Variants in PPP4R2 observed in about 807,000 individuals in gnomAD.
PPP4R2 encodes the protein serine/threonine-protein phosphatase 4 regulatory subunit 2.
PPP4R2 carries 13 observed loss-of-function variants against 47.2 expected under a neutral mutation model. The observed-to-expected ratio is 0.28, with a 90% confidence interval of 0.18 to 0.44. PPP4R2 has a LOEUF of 0.44. PPP4R2 is among the 20% of genes least tolerant of loss of function. The probability of loss-of-function intolerance (pLI) is 1.00; values close to 1 mark genes in which losing one functional copy is unlikely to be tolerated. For synonymous variants in PPP4R2, 151 were observed against 163.3 expected (o/e 0.92, Z 0.57); for missense variants, 421 against 491.2 (o/e 0.86, Z 1.35).
At chr3:73,032,106 T>C (rs928704803) in intron 2 of PPP4R2, among the ~76,000 whole-genome samples, 1 of 152,202 alleles carries the variant, frequency 6.6e-6, no homozygotes, top group African/African-American at 2.4e-5. Context: ...TTTTTTTTAT[T>C]ATTTAGTTTT....
At position 73,068,353 on chromosome 3, in the gene PPP4R2, G is replaced by A. The variant is rs1703043263; in HGVS notation, c.*2631G>A. 1 of 151,864 alleles carries A rather than the reference G, an allele frequency of 6.6e-6. No individual in the cohort carries two copies. Among genetic ancestry groups the A allele is most frequent in the African/African-American group, 2.4e-5 (1 of 41,264 alleles). 9.4% of individuals were successfully genotyped at this position (151,864 alleles called of 1,614,324 possible). The stretch of plus-strand genomic sequence containing the variant: ...AACATGTAAAAAAAATTTGAAGATG[G>A]TGATGAGGAAAGTGAGATATATATA... On this transcript the variant is annotated 3_prime_UTR_variant, in exon 9 of 9. Coordinates refer to ENST00000356692, the MANE Select transcript of PPP4R2 (RefSeq NM_174907.4).
intron 3 of PPP4R2, among the ~76,000 whole-genome samples, chr3:73,048,885 C>T (rs1036159486): frequency 2.0e-5 from 3 of 152,050 alleles, no homozygotes; most frequent in African/African-American, 7.2e-5. Context: ...AATGTCAAAC[C>T]CTTAGGCCTT....
At chr3:73,021,811 T>C (rs1028576879) in intron 2 of PPP4R2, among the ~76,000 whole-genome samples, 2 of 151,788 alleles carry the variant, frequency 1.3e-5, no homozygotes, top group Non-Finnish European at 2.9e-5. Flanking sequence ...GTAGTAATTT[T>C]AAAAATTACT....
chr3:72,998,647 A>G (rs570339418), intron 2 of PPP4R2, among the ~76,000 whole-genome samples: 109 of 152,260 alleles, frequency 7.2e-4, no homozygotes, highest in Non-Finnish European at 1.4e-3. Flanking sequence ...TTATTATCTG[A>G]CAAATTCCAG....
intron 3 of PPP4R2, among the ~76,000 whole-genome samples, chr3:73,047,673 G>T (rs1702512210): frequency 6.6e-6 from 1 of 152,110 alleles, no homozygotes; most frequent in Admixed American, 6.6e-5. Flanking sequence ...ATATCATTGA[G>T]AAATCACATT....
chr3:73,001,761 C>G (rs1379282501), intron 2 of PPP4R2, among the ~76,000 whole-genome samples: 2 of 152,068 alleles, frequency 1.3e-5, no homozygotes, highest in East Asian at 3.8e-4. Context: ...GCCTCAGCCT[C>G]CTGAGTAGCT....
At chr3:73,054,038 A>G (rs7629084) in intron 3 of PPP4R2, among the ~76,000 whole-genome samples, 79,654 of 151,438 alleles carry the variant, frequency 0.53, 21,258 homozygotes, top group African/African-American at 0.61. Flanking sequence ...TGCCTCAAGC[A>G]CCTGAGTAGC....
At chr3:73,046,709 A>G (rs1434794613) in intron 2 of PPP4R2, among the ~76,000 whole-genome samples, 1 of 152,164 alleles carries the variant, frequency 6.6e-6, no homozygotes, top group Non-Finnish European at 1.5e-5. Context: ...GAAAGGGGAA[A>G]AAAAAGGAGA....
At position 73,068,514 on chromosome 3, in the gene PPP4R2, TTAGA is replaced by T. The variant is rs1310056069; in HGVS notation, c.*2795_*2798del. ...AATGTCATATTTTAAATGTTGATTA[TTAGA>T]TAAATTTAACCTGCTTAGGGTTTAT... is the stretch of plus-strand genomic sequence containing the variant. On this transcript the variant is annotated 3_prime_UTR_variant, in exon 9 of 9. Transcript: ENST00000356692. 6.6e-6 allele frequency: 1 copy of T among 152,218 alleles called. No homozygotes were observed. Among genetic ancestry groups the T allele is most frequent in the Non-Finnish European group, 1.5e-5 (1 of 68,034 alleles). The allele number at this position is 152,218 out of a possible 1,614,324, so 9.4% of individuals were successfully genotyped here.
chr3:72,998,135 T>C lies in PPP4R2; in HGVS notation c.93T>C (p.His31=), dbSNP rs1432132990. 4 of 1,609,184 alleles carry C rather than the reference T, an allele frequency of 2.5e-6. No homozygotes were observed. Among genetic ancestry groups the C allele is most frequent in the Non-Finnish European group, 3.4e-6 (4 of 1,178,026 alleles). Residue 31 remains histidine, a synonymous_variant, in exon 2 of 9, where the codon CAT becomes CAC. Coordinates refer to ENST00000356692, the MANE Select transcript of PPP4R2 (RefSeq NM_174907.4). ...CTGTCCTGGATCAGTTTCTTTGTCA[T>C]GTAGCCAAGACTGGAGAAACAATGT... ...VCPVLDQFLC[H]VAKTGETMIQ...
At chr3:73,056,451 T>TA (rs1187372524) in intron 3 of PPP4R2, among the ~76,000 whole-genome samples, 1 of 152,364 alleles carries the variant, frequency 6.6e-6, no homozygotes, top group East Asian at 1.9e-4. Flanking sequence ...TCAATGCTGT[T>TA]ACGTTCATTT....
chr3:72,997,953 G>C, intron 1 of PPP4R2, 124 bp from the exon 2 acceptor site: 1 of 707,842 alleles, frequency 1.4e-6, no homozygotes, highest in Non-Finnish European at 2.5e-6. Flanking sequence ...ATTTGGTTGA[G>C]AGGCCTTATT....
chr3:73,015,102 A>T (rs1038164730), intron 2 of PPP4R2: 26 of 442,490 alleles, frequency 5.9e-5, no homozygotes, highest in African/African-American at 4.0e-4. Flanking sequence ...TACTGAGAGC[A>T]CTCTGAGATC....
At chr3:73,012,654 G>C (rs539928866) in intron 2 of PPP4R2, among the ~76,000 whole-genome samples, 2 of 152,164 alleles carry the variant, frequency 1.3e-5, no homozygotes, top group Non-Finnish European at 2.9e-5. Flanking sequence ...TGTGGAACTC[G>C]TAGATACAGA....
At chr3:73,055,964 C>G (rs1283997931) in intron 3 of PPP4R2, among the ~76,000 whole-genome samples, 1 of 152,116 alleles carries the variant, frequency 6.6e-6, no homozygotes, top group Non-Finnish European at 1.5e-5. Flanking sequence ...CCACTTCCCC[C>G]CAAATTTAAG....
chr3:73,008,361 ACAT>A (rs1298021730), intron 2 of PPP4R2, among the ~76,000 whole-genome samples: 1 of 152,178 alleles, frequency 6.6e-6, no homozygotes, highest in African/African-American at 2.4e-5. Context: ...CTTTTTCATC[ACAT>A]CATGTAAACC....
chr3:73,027,968 G>A (rs908144148), intron 2 of PPP4R2: 3 of 146,894 alleles, frequency 2.0e-5, no homozygotes, highest in Admixed American at 6.9e-5. Flanking sequence ...TTTAAGAGAC[G>A]GGGTGGGCTG....
chr3:73,065,259 T>C, intron 8 of PPP4R2, 118 bp downstream of exon 8: 2 of 1,310,894 alleles, frequency 1.5e-6, no homozygotes, highest in South Asian at 3.1e-5. Context: ...ATGTTGGGCT[T>C]TTCTCCCACC....
At position 73,061,112 on chromosome 3, in the gene PPP4R2, T is replaced by C. The variant is rs1223127370; in HGVS notation, c.419+52T>C. 3.7e-6 allele frequency: 3 copies of C among 806,588 alleles called. No individual in the cohort carries two copies. The African/African-American group carries it at 5.4e-5, about 15-fold the overall frequency. 50.0% of individuals were successfully genotyped at this position (806,588 alleles called of 1,614,324 possible). ...ATATTATTTACTATATTTAATCATTTTATTGCTTCTAATATATTATTCTTA... is the reference window on the plus strand; with the variant it reads ...ATATTATTTACTATATTTAATCATTCTATTGCTTCTAATATATTATTCTTA... On this transcript the variant is annotated intron_variant, in intron 5 of 8. Transcript: ENST00000356692.
Sources: allele counts gnomAD v4.1 joint callset (sites outside exome capture counted in the v4.1 genomes callset), GRCh38; gene constraint gnomAD v4.1.1; transcripts MANE v1.5; gene names NCBI Gene and HGNC (gene_info 2026-07-23, HGNC 2026-07-21).